Variants in CNTN6 observed in about 807,000 individuals in gnomAD.
CNTN6 encodes the protein contactin-6.
In CNTN6, 137 loss-of-function variants were observed where a neutral mutation model predicts 122.8. The ratio of observed to expected loss-of-function variants is 1.12; its 90% CI spans 0.97 to 1.29. The LOEUF is 1.29. Ranked by LOEUF, CNTN6 falls within the 50% of genes most tolerant of loss-of-function variation. CNTN6 has a pLI of 0.00. For synonymous variants in CNTN6, 570 were observed against 426.0 expected, an observed-to-expected ratio of 1.34 and a Z score of -4.16; for missense variants, 1,634 against 1,223.4, an observed-to-expected ratio of 1.34 and a Z score of -5.01.
At chr3:1,351,361 T>TA in intron 11 of CNTN6, among the ~76,000 whole-genome samples, 1 of 152,120 alleles carries the variant, frequency 6.6e-6, no homozygotes, top group Non-Finnish European at 1.5e-5. Flanking sequence ...AAACTGTTGT[T>TA]AAAAATTAGT....
At chr3:1,222,387 CTAGGGGTTAG>C (rs1302351895) in intron 3 of CNTN6, among the ~76,000 whole-genome samples, 1 of 151,998 alleles carries the variant, frequency 6.6e-6, no homozygotes, top group Non-Finnish European at 1.5e-5. Flanking sequence ...TAGGTTGATC[CTAGGGGTTAG>C]TAGAGAAAGA....
intron 4 of CNTN6, among the ~76,000 whole-genome samples, chr3:1,259,856 T>C (rs1270627039): frequency 6.6e-6 from 1 of 152,020 alleles, no homozygotes; most frequent in Non-Finnish European, 1.5e-5. Context: ...TGTAATTATA[T>C]ACATACACAC....
chr3:1,382,103 A>AT (rs932880521), intron 17 of CNTN6, among the ~76,000 whole-genome samples: 3 of 140,862 alleles, frequency 2.1e-5, no homozygotes, highest in African/African-American at 5.2e-5. Context: ...CAGAATATTT[A>AT]TTAAAAAAAA....
intron 12 of CNTN6, among the ~76,000 whole-genome samples, chr3:1,356,005 G>A (rs751103427): frequency 5.3e-5 from 8 of 151,710 alleles, no homozygotes; most frequent in Admixed American, 2.0e-4. Flanking sequence ...CTTTTCCAGC[G>A]CCTCAGAAGA....
chr3:1,132,737 T>C (rs531380728), intron 1 of CNTN6, among the ~76,000 whole-genome samples: 1 of 152,124 alleles, frequency 6.6e-6, no homozygotes, highest in African/African-American at 2.4e-5. Flanking sequence ...GGGGTCACTT[T>C]ACTGCACAAA....
intron 11 of CNTN6, among the ~76,000 whole-genome samples, chr3:1,330,935 C>T (rs772007598): frequency 9.2e-5 from 14 of 151,864 alleles, no homozygotes; most frequent in Non-Finnish European, 1.8e-4. Flanking sequence ...GTAGAACTTC[C>T]AATGTTTCAG....
At chr3:1,279,652 A>G (rs1693023141) in intron 5 of CNTN6, among the ~76,000 whole-genome samples, 1 of 152,204 alleles carries the variant, frequency 6.6e-6, no homozygotes, top group Non-Finnish European at 1.5e-5. Flanking sequence ...CAGTTGTTAT[A>G]ATTGATTTCC....
intron 5 of CNTN6, among the ~76,000 whole-genome samples, chr3:1,286,768 C>G (rs919997043): frequency 6.6e-5 from 10 of 152,210 alleles, no homozygotes; most frequent in Non-Finnish European, 1.3e-4. Flanking sequence ...CCTCCGTGTG[C>G]TGTATTCAGT....
chr3:1,101,300 C>G (rs1006911399), intron 1 of CNTN6, among the ~76,000 whole-genome samples: 2 of 152,188 alleles, frequency 1.3e-5, no homozygotes, highest in African/African-American at 4.8e-5. Flanking sequence ...ACTTTACAAT[C>G]TCCTTGCCAG....
chr3:1,248,305 A>T lies in CNTN6; in HGVS notation c.358+20312A>T, dbSNP rs116599093. On this transcript the variant is annotated intron_variant, in intron 4 of 22. Coordinates refer to ENST00000446702, the MANE Select transcript of CNTN6 (RefSeq NM_001289080.2). Reference sequence around the variant, plus strand: ...GGAATAATGGGAATTTATACAAATAAACCACATGAGTATTTCAAGTTCTGT... The same window carrying T: ...GGAATAATGGGAATTTATACAAATATACCACATGAGTATTTCAAGTTCTGT... Among the ~76,000 whole-genome samples the T allele has an allele frequency of 8.8e-3, 1,333 of 152,298 alleles. 20 individuals are homozygous for T. The highest frequency in any genetic ancestry group is 0.029 in the African/African-American group (1,210 of 41,548).
chr3:1,225,699 G>GTT (rs35640182), intron 3 of CNTN6, among the ~76,000 whole-genome samples: 1,121 of 109,590 alleles, frequency 0.01, 14 homozygotes, highest in African/African-American at 0.045. Flanking sequence ...TTTTATTATT[G>GTT]TTTTTTTTTT....
At chr3:1,196,300 A>G (rs1195529210) in intron 2 of CNTN6, among the ~76,000 whole-genome samples, 1 of 149,746 alleles carries the variant, frequency 6.7e-6, no homozygotes, top group Non-Finnish European at 1.5e-5. Context: ...GCTGGGATAG[A>G]GGCAGTGTGC....
Position 1,140,706 on chromosome 3 carries a change from TA to T in CNTN6, c.-82-7212del, listed in dbSNP as rs535738174. 2.3e-3 allele frequency among the ~76,000 whole-genome samples: 342 copies of T among 151,800 alleles called. 10 individuals carry two copies. Among genetic ancestry groups the T allele is most frequent in the Admixed American group, 0.02 (304 of 15,216 alleles). ...AGTTCTACAGCTTGGTTTCTCTGAT[TA>T]AAAAAAAATTGTAGAAATGATTCTG... On this transcript the variant is annotated intron_variant, in intron 1 of 22. Coordinates refer to ENST00000446702, the MANE Select transcript of CNTN6 (RefSeq NM_001289080.2).
chr3:1,240,952 G>A (rs2094475183), intron 4 of CNTN6, among the ~76,000 whole-genome samples: 1 of 151,830 alleles, frequency 6.6e-6, no homozygotes, highest in African/African-American at 2.4e-5. Context: ...TTGTTCTCTG[G>A]TGGGCATGGG....
At chr3:1,146,902 A>G (rs1171355919) in intron 1 of CNTN6, among the ~76,000 whole-genome samples, 1 of 152,108 alleles carries the variant, frequency 6.6e-6, no homozygotes, top group Non-Finnish European at 1.5e-5. Flanking sequence ...CTCAATACCT[A>G]TGTTGACCCC....
At chr3:1,238,851 G>T (rs1458997868) in intron 4 of CNTN6, among the ~76,000 whole-genome samples, 1 of 151,990 alleles carries the variant, frequency 6.6e-6, no homozygotes, top group African/African-American at 2.4e-5. Flanking sequence ...CAAACAAAAA[G>T]CTGCCTCTTT....
intron 8 of CNTN6, among the ~76,000 whole-genome samples, chr3:1,324,944 C>A (rs929136051): frequency 1.4e-5 from 2 of 139,998 alleles, no homozygotes; most frequent in African/African-American, 3.3e-5. Context: ...TCTGGCTTGC[C>A]ACAGCCTGAG....
chr3:1,291,398 G>T (rs775504386), intron 5 of CNTN6, among the ~76,000 whole-genome samples: 1 of 152,146 alleles, frequency 6.6e-6, no homozygotes, highest in Non-Finnish European at 1.5e-5. Context: ...GAAAATTACA[G>T]TCTCAGGTCC....
intron 11 of CNTN6, among the ~76,000 whole-genome samples, chr3:1,343,462 C>T (rs554785306): frequency 1.8e-4 from 28 of 152,036 alleles, no homozygotes; most frequent in African/African-American, 6.8e-4. Flanking sequence ...AGTTTATACT[C>T]CTTATTTATA....
Sources: gnomAD v4.1 joint callset for allele counts (sites outside exome capture counted in the v4.1 genomes callset) on GRCh38, gnomAD v4.1.1 for gene constraint, MANE v1.5 for transcripts, NCBI Gene and HGNC (gene_info 2026-07-23, HGNC 2026-07-21) for gene names.